Variants in HDGFL3 observed in about 807,000 individuals in gnomAD.
HDGFL3 encodes HDGF like 3.
HDGFL3 carries 6 observed loss-of-function variants against 27.6 expected under a neutral mutation model. The ratio of observed to expected loss-of-function variants is 0.22; its 90% CI spans 0.12 to 0.43. The LOEUF (loss-of-function observed/expected upper bound fraction) is 0.43. HDGFL3 is among the 20% of genes least tolerant of loss of function. The probability of loss-of-function intolerance (pLI) is 1.00; values close to 1 mark genes in which losing one functional copy is unlikely to be tolerated. For synonymous variants in HDGFL3, 88 were observed against 88.9 expected, an observed-to-expected ratio of 0.99 and a Z score of 0.05; for missense variants, 207 against 250.1, an observed-to-expected ratio of 0.83 and a Z score of 1.16.
intron 5 of HDGFL3, chr15:83,144,560 A>G (rs1408856194): frequency 1.0e-4 from 46 of 455,876 alleles, no homozygotes; most frequent in Non-Finnish European, 4.4e-6. Context: ...GGTGAGATCC[A>G]TGGGGCAAGG....
At chr15:83,177,398 G>A (rs12591855) in intron 1 of HDGFL3, among the ~76,000 whole-genome samples, 38,200 of 151,940 alleles carry the variant, frequency 0.25, 5,157 homozygotes, top group African/African-American at 0.35. Flanking sequence ...TCATAAAGAC[G>A]CAAATAACAT....
At chr15:83,197,701 G>A (rs892782616) in intron 1 of HDGFL3, among the ~76,000 whole-genome samples, 3 of 152,192 alleles carry the variant, frequency 2.0e-5, no homozygotes, top group Non-Finnish European at 4.4e-5. Flanking sequence ...CATCAGCCAC[G>A]GAACACTAGT....
chr15:83,146,324 C>A (rs183174180), intron 5 of HDGFL3, among the ~76,000 whole-genome samples: 1 of 152,218 alleles, frequency 6.6e-6, no homozygotes, highest in Non-Finnish European at 1.5e-5. Context: ...ACACACAGGG[C>A]CATGGGTACT....
At chr15:83,194,856 C>T (rs185555704) in intron 1 of HDGFL3, among the ~76,000 whole-genome samples, 1 of 152,290 alleles carries the variant, frequency 6.6e-6, no homozygotes, top group Admixed American at 6.5e-5. Flanking sequence ...TCGAAAACAA[C>T]ACTGAAAATC....
intron 5 of HDGFL3, among the ~76,000 whole-genome samples, chr15:83,143,351 G>A (rs980857776): frequency 1.3e-5 from 2 of 152,044 alleles, no homozygotes; most frequent in African/African-American, 4.8e-5. Context: ...TTGGGAGGTT[G>A]AGGCGGGCGA....
intron 1 of HDGFL3, among the ~76,000 whole-genome samples, chr15:83,196,657 T>C (rs1420572118): frequency 1.3e-5 from 2 of 151,952 alleles, no homozygotes; most frequent in East Asian, 1.9e-4. Flanking sequence ...AAGTTTGAAA[T>C]AGAAGAAAAG....
At chr15:83,190,887 C>T (rs2037503422) in intron 1 of HDGFL3, among the ~76,000 whole-genome samples, 1 of 152,184 alleles carries the variant, frequency 6.6e-6, no homozygotes, top group Non-Finnish European at 1.5e-5. Context: ...GAAAGCCTTC[C>T]ACACTTTTAT....
At chr15:83,166,469 A>G (rs934972555) in intron 1 of HDGFL3, among the ~76,000 whole-genome samples, 1 of 152,262 alleles carries the variant, frequency 6.6e-6, no homozygotes, top group African/African-American at 2.4e-5. Flanking sequence ...GAAGTTCTAA[A>G]TACGGAAACA....
exon 4 of HDGFL3, chr15:83,113,172 C>T (rs959561103): frequency 3.9e-6 from 2 of 513,598 alleles, no homozygotes; most frequent in Admixed American, 6.6e-5. Context: ...TGACCTCTGA[C>T]CTCTGACCTC....
intron 3 of HDGFL3, among the ~76,000 whole-genome samples, chr15:83,117,907 T>C (rs144607824): frequency 0.018 from 2,682 of 152,186 alleles, 84 homozygotes; most frequent in African/African-American, 0.06. Flanking sequence ...TGAGGGACAC[T>C]GAGGGCTAGA....
chr15:83,122,684 G>A, intron 3 of HDGFL3: 1 of 1,539,988 alleles, frequency 6.5e-7, no homozygotes, highest in Non-Finnish European at 8.8e-7. Context: ...ACCTGAGATG[G>A]GGAGGTATCC....
chr15:83,167,595 T>A (rs938675624), intron 1 of HDGFL3, among the ~76,000 whole-genome samples: 2 of 149,210 alleles, frequency 1.3e-5, no homozygotes, highest in Non-Finnish European at 3.0e-5. Flanking sequence ...AGAAGGGCAG[T>A]ACATCATGAA....
rs1771078762 is a variant in HDGFL3 at position 83,207,361 on chromosome 15, C to T, written c.54G>A (p.Lys18=). Residue 18 remains lysine, a synonymous_variant, in exon 1 of 6, where the codon AAG becomes AAA. Coordinates refer to ENST00000299633, the MANE Select transcript of HDGFL3 (RefSeq NM_016073.4). The surrounding 1 kb of genome is among the most constrained non-coding windows in gnomAD (Gnocchi z 4.8). ...EYKAGDLVFA[K]MKGYPHWPAR... ...CCGGCCAGTGCGGGTAGCCCTTCATCTTGGCGAAGACCAGGTCGCCCGCTT... is the reference window on the plus strand; with the variant it reads ...CCGGCCAGTGCGGGTAGCCCTTCATTTTGGCGAAGACCAGGTCGCCCGCTT... 1.4e-6 allele frequency: 2 copies of T among 1,402,112 alleles called. No individual in the cohort carries two copies. Among genetic ancestry groups the T allele is most frequent in the South Asian group, 1.8e-5 (1 of 56,254 alleles). The allele number at this position is 1,402,112 out of a possible 1,614,324, so 86.9% of individuals were successfully genotyped here.
intron 3 of HDGFL3, 109 bp from the exon 4 acceptor site, chr15:83,157,682 A>G: frequency 8.6e-7 from 1 of 1,165,810 alleles, no homozygotes; most frequent in Non-Finnish European, 1.2e-6. Context: ...CTTACTCGGA[A>G]GATTTTCAAA....
chr15:83,143,310 T>G (rs1203900944), intron 5 of HDGFL3, among the ~76,000 whole-genome samples: 22 of 151,976 alleles, frequency 1.4e-4, no homozygotes, highest in Non-Finnish European at 8.8e-5. Flanking sequence ...GGGGGCCAGG[T>G]GCAGTGACTC....
intron 5 of HDGFL3, among the ~76,000 whole-genome samples, chr15:83,145,642 C>T (rs2036874153): frequency 6.6e-6 from 1 of 152,128 alleles, no homozygotes; most frequent in Non-Finnish European, 1.5e-5. Flanking sequence ...CTACTCCCCT[C>T]CTTCCTGCAA....
chr15:83,148,109 A>T (rs2036921689), intron 5 of HDGFL3, among the ~76,000 whole-genome samples: 1 of 152,250 alleles, frequency 6.6e-6, no homozygotes, highest in Non-Finnish European at 1.5e-5. Context: ...ATAATTAAAA[A>T]GCCTGACTAT....
intron 5 of HDGFL3, among the ~76,000 whole-genome samples, chr15:83,150,556 T>C (rs2036951221): frequency 6.6e-6 from 1 of 152,090 alleles, no homozygotes; most frequent in Admixed American, 6.5e-5. Context: ...ACCAGATAAA[T>C]TTCTTAGGTC....
rs1357034251 is a variant in HDGFL3 at position 83,132,231 on chromosome 15, A to C, written c.*7039T>G. 12 of 152,262 alleles carry C rather than the reference A, an allele frequency of 7.9e-5. No individual in the cohort carries two copies. Among genetic ancestry groups the C allele is most frequent in the Non-Finnish European group, 8.8e-5 (6 of 68,058 alleles). 9.4% of individuals were successfully genotyped at this position (152,262 alleles called of 1,614,324 possible). On this transcript the variant is annotated 3_prime_UTR_variant, in exon 6 of 6. Coordinates refer to ENST00000299633, the MANE Select transcript of HDGFL3 (RefSeq NM_016073.4). ...CTTTGTTGCTACTATTACTGGTAGA[A>C]GATTCCCAGTAAGAATTTGGAGATA...
Sources: gnomAD v4.1 joint callset for allele counts (sites outside exome capture counted in the v4.1 genomes callset) on GRCh38, gnomAD v4.1.1 for gene constraint, Gnocchi (gnomAD v3.1) non-coding constraint, MANE v1.5 for transcripts, NCBI Gene and HGNC (gene_info 2026-07-23, HGNC 2026-07-21) for gene names.